The following RABEP1 variants were observed in gnomAD, a reference collection of about 807,000 sequenced individuals.
The protein encoded by RABEP1 is rab GTPase-binding effector protein 1.
Under a neutral mutation model 123.4 loss-of-function variants are expected in RABEP1, and 51 were observed. The observed-to-expected ratio is 0.41, with a 90% CI of 0.33 to 0.52. RABEP1 has a LOEUF of 0.52. Ranked by LOEUF, RABEP1 falls within the 20% of genes least tolerant of loss-of-function variation. The pLI, the probability that RABEP1 is intolerant of heterozygous loss-of-function variation, is 0.16. For missense variants in RABEP1, 888 were observed against 996.3 expected, an observed-to-expected ratio of 0.89 and a Z score of 1.46; for synonymous variants, 347 against 355.2, an observed-to-expected ratio of 0.98 and a Z score of 0.26.
intron 5 of RABEP1, among the ~76,000 whole-genome samples, chr17:5,341,576 A>G (rs1214060234): frequency 6.6e-6 from 1 of 152,236 alleles, no homozygotes; most frequent in African/African-American, 2.4e-5. Context: ...AGGGAATACA[A>G]AAAGAGAGAA....
chr17:5,309,665 A>G (rs1597341421), intron 2 of RABEP1, among the ~76,000 whole-genome samples: 1 of 151,998 alleles, frequency 6.6e-6, no homozygotes, highest in Non-Finnish European at 1.5e-5. Flanking sequence ...AAAAAAAAAA[A>G]AAAAAGAAAA....
At chr17:5,379,186 G>C (rs1462061452) in intron 15 of RABEP1, among the ~76,000 whole-genome samples, 1 of 152,142 alleles carries the variant, frequency 6.6e-6, no homozygotes, top group Non-Finnish European at 1.5e-5. Flanking sequence ...CACTCCTCAG[G>C]CATCAGGCAG....
intron 10 of RABEP1, among the ~76,000 whole-genome samples, chr17:5,364,155 C>A (rs1909813876): frequency 1.3e-5 from 2 of 152,136 alleles, no homozygotes; most frequent in African/African-American, 4.8e-5. Context: ...ATGTAGTTGG[C>A]CCCTGATAGT....
At chr17:5,300,797 G>C (rs1366378473) in intron 1 of RABEP1, among the ~76,000 whole-genome samples, 2 of 152,136 alleles carry the variant, frequency 1.3e-5, no homozygotes, top group Non-Finnish European at 2.9e-5. Flanking sequence ...TGTCCTGTCT[G>C]GTCTAAGCAG....
intron 10 of RABEP1, among the ~76,000 whole-genome samples, 164 bp from the exon 11 acceptor site, chr17:5,364,958 T>C (rs1269129037): frequency 6.6e-6 from 1 of 151,974 alleles, no homozygotes. Context: ...AGTACAGTTG[T>C]CTCTTGAGGT....
At chr17:5,381,745 C>T in intron 17 of RABEP1, 2 of 437,414 alleles carry the variant, frequency 4.6e-6, no homozygotes, top group Non-Finnish European at 7.6e-6. Flanking sequence ...AAAGTACTGA[C>T]TCCTTAGCAT....
At chr17:5,374,420 CTT>C (rs1910808961) in intron 13 of RABEP1, among the ~76,000 whole-genome samples, 1 of 151,748 alleles carries the variant, frequency 6.6e-6, no homozygotes, top group Non-Finnish European at 1.5e-5. Context: ...CTCTCCTTAA[CTT>C]TATCCAAGCT....
At chr17:5,350,756 A>T in intron 7 of RABEP1, 127 bp downstream of exon 7, 5 of 998,622 alleles carry the variant, frequency 5.0e-6, no homozygotes, top group Non-Finnish European at 7.3e-6. Context: ...GATATGTGCC[A>T]CTTTTAAAAA....
chr17:5,360,981 A>G (rs186158745), intron 8 of RABEP1: 5 of 516,976 alleles, frequency 9.7e-6, no homozygotes, highest in East Asian at 6.5e-5. Flanking sequence ...TTGAAGCCGT[A>G]TGTATCTCGA....
At chr17:5,355,620 A>C (rs901339216) in intron 8 of RABEP1, among the ~76,000 whole-genome samples, 2 of 152,070 alleles carry the variant, frequency 1.3e-5, no homozygotes, top group South Asian at 2.1e-4. Flanking sequence ...AATGAATTGC[A>C]CTTAAATTGG....
At chr17:5,332,178 G>T (rs766121310) in intron 3 of RABEP1, 26 bp downstream of exon 3, 30 of 1,597,504 alleles carry the variant, frequency 1.9e-5, no homozygotes, top group South Asian at 3.3e-5. Flanking sequence ...GATCAATTTT[G>T]TGATTTTCTA....
At chr17:5,318,399 C>G (rs1401235473) in intron 2 of RABEP1, among the ~76,000 whole-genome samples, 1 of 151,854 alleles carries the variant, frequency 6.6e-6, no homozygotes, top group Non-Finnish European at 1.5e-5. Context: ...GAAGTTGTTA[C>G]AAAAAAGTAC....
intron 8 of RABEP1, among the ~76,000 whole-genome samples, chr17:5,359,184 C>G (rs943547105): frequency 1.3e-5 from 2 of 152,204 alleles, no homozygotes; most frequent in Admixed American, 6.5e-5. Flanking sequence ...CGCCATTCTC[C>G]TTCCTCAGCC....
chr17:5,367,702 CT>C (rs372127974), intron 11 of RABEP1, among the ~76,000 whole-genome samples: 2 of 150,372 alleles, frequency 1.3e-5, no homozygotes, highest in Non-Finnish European at 3.0e-5. Flanking sequence ...GTCTGTTTGC[CT>C]TTTTTTTGTG....
At chr17:5,351,045 GT>G (rs1194672819) in intron 7 of RABEP1, among the ~76,000 whole-genome samples, 2 of 152,026 alleles carry the variant, frequency 1.3e-5, no homozygotes, top group Admixed American at 1.3e-4. Context: ...TTTTTTGTTT[GT>G]TTTAGCTCAT....
At chr17:5,335,424 A>ACTTCT in intron 4 of RABEP1, 80 bp downstream of exon 4, 8 of 1,208,452 alleles carry the variant, frequency 6.6e-6, no homozygotes, top group Non-Finnish European at 8.2e-6. Flanking sequence ...AATAGAAAGT[A>ACTTCT]ATAGAAGTAC....
At chr17:5,292,232 G>A (rs1351477704) in intron 1 of RABEP1, among the ~76,000 whole-genome samples, 1 of 152,116 alleles carries the variant, frequency 6.6e-6, no homozygotes, top group Admixed American at 6.5e-5. Flanking sequence ...CCTAAAAATG[G>A]TATCTGACTG....
Position 5,377,211 on chromosome 17 carries a change from T to C in RABEP1, c.2121T>C (p.Leu707=), listed in dbSNP as rs1406473835. The C allele has an allele frequency of 1.9e-6, 3 of 1,613,290 alleles. No individual in the cohort carries two copies. The highest frequency in any genetic ancestry group is 2.5e-6 in the Non-Finnish European group (3 of 1,179,842). ...HVEEKLKAEI[L]FLKEQIQAEQ... ...AAGAAAAGCTGAAGGCTGAGATACT[T>C]TTCCTAAAAGAGCAGATCCAAGCAG... The change falls in exon 14 of 18, where the codon CTT becomes CTC. Residue 707 remains leucine (L), a synonymous_variant. Transcript: ENST00000537505.
At chr17:5,325,170 A>G (rs1327728398) in intron 2 of RABEP1, among the ~76,000 whole-genome samples, 2 of 117,430 alleles carry the variant, frequency 1.7e-5, no homozygotes, top group African/African-American at 8.0e-5. Context: ...AAAACAAACC[A>G]AAAAAAAACC....
Sources: gnomAD v4.1 joint callset for allele counts (sites outside exome capture counted in the v4.1 genomes callset) on GRCh38, gnomAD v4.1.1 for gene constraint, MANE v1.5 for transcripts, NCBI Gene and HGNC (gene_info 2026-07-23, HGNC 2026-07-21) for gene names.